Variants in ZNF426 observed in about 807,000 individuals in gnomAD.
The protein encoded by ZNF426 is CTC-543D15.7.
A neutral mutation model predicts 24.0 loss-of-function variants in ZNF426; 23 were observed. That is an observed-to-expected ratio of 0.96 (90% CI 0.69 to 1.36). The LOEUF (loss-of-function observed/expected upper bound fraction) is 1.36, where lower values mean the gene tolerates loss of function less well. Ranked by LOEUF, ZNF426 falls within the 40% of genes most tolerant of loss-of-function variation. ZNF426 has a pLI of 0.00. For missense variants in ZNF426, 646 were observed against 658.4 expected, an observed-to-expected ratio of 0.98 and a Z score of 0.21; for synonymous variants, 272 against 224.6, an observed-to-expected ratio of 1.21 and a Z score of -1.89.
intron 5 of ZNF426, among the ~76,000 whole-genome samples, chr19:9,533,539 T>TA (rs1032232069): frequency 2.0e-5 from 3 of 152,224 alleles, no homozygotes; most frequent in African/African-American, 7.2e-5. Context: ...CAGTGTTTTT[T>TA]AAAACATTAT....
At chr19:9,537,243 C>T (rs2073980354) in intron 2 of ZNF426, among the ~76,000 whole-genome samples, 1 of 152,010 alleles carries the variant, frequency 6.6e-6, no homozygotes, top group African/African-American at 2.4e-5. Flanking sequence ...AGTGAAAGTT[C>T]CGCAGTTCAT....
chr19:9,531,290 C>A (rs2073880359), intron 6 of ZNF426, among the ~76,000 whole-genome samples: 1 of 152,076 alleles, frequency 6.6e-6, no homozygotes, highest in African/African-American at 2.4e-5. Flanking sequence ...GGGGCTCAGG[C>A]TGGAGAATCT....
chr19:9,532,219 A>C (rs2144772243), intron 6 of ZNF426, among the ~76,000 whole-genome samples: 1 of 151,630 alleles, frequency 6.6e-6, no homozygotes, highest in Admixed American at 6.6e-5. Context: ...CATACTACTG[A>C]GAATGGTGAG....
Position 9,529,529 on chromosome 19 carries a change from G to A in ZNF426, c.516C>T (p.Asn172=), listed in dbSNP as rs1397169935. The change falls in exon 8 of 8, where the codon AAC becomes AAT. Residue 172 remains asparagine, a synonymous_variant. Transcript: ENST00000253115. The stretch of plus-strand genomic sequence containing the variant: ...TTCCATACTGATTACAGTCATGAGT[G>A]TTCCCTGTACTTTGAGTTCTCACGT... ...KTHVRTQSTG[N]THDCNQYGKD... is the part of the protein sequence containing the mutation. 1.2e-6 allele frequency: 2 copies of A among 1,612,538 alleles called. No homozygotes were observed. The highest frequency in any genetic ancestry group is 3.3e-5 in the Admixed American group (2 of 60,030).
chr19:9,535,623 G>A (rs888871), intron 3 of ZNF426, among the ~76,000 whole-genome samples: 26,305 of 151,962 alleles, frequency 0.17, 3,621 homozygotes, highest in African/African-American at 0.38. Context: ...CTAGGAGTTC[G>A]AGACTACCCT....
In ZNF426 at chr19:9,525,970, A is replaced by C. The variant is rs2073788014; in HGVS notation, c.*2410T>G. On this transcript the variant is annotated 3_prime_UTR_variant, in exon 8 of 8. Transcript: ENST00000253115. ...CTCCCAAAGTGCTGGTATTACAGGC[A>C]TAAGCCACCACACCTGGAGTTTTAG... The C allele has an allele frequency of 6.6e-6, 1 of 152,092 alleles. No homozygotes were observed. The highest frequency in any genetic ancestry group is 2.4e-5 in the African/African-American group (1 of 41,366). 9.4% of individuals were successfully genotyped at this position (152,092 alleles called of 1,614,324 possible).
intron 3 of ZNF426, 114 bp downstream of exon 3, chr19:9,536,094 C>G: frequency 7.2e-7 from 1 of 1,395,256 alleles, no homozygotes. Context: ...TTCTGGCACC[C>G]CTCAGCACCT....
At chr19:9,535,346 TC>T in intron 3 of ZNF426, 67 bp from the exon 4 acceptor site, 2 of 1,121,598 alleles carry the variant, frequency 1.8e-6, no homozygotes, top group African/African-American at 3.2e-5. Flanking sequence ...TACCTAGAGG[TC>T]ATTACCTCCT....
intron 3 of ZNF426, 63 bp from the exon 4 acceptor site, chr19:9,535,342 G>C: frequency 8.3e-7 from 1 of 1,204,346 alleles, no homozygotes; most frequent in Non-Finnish European, 1.2e-6. Context: ...CACCTACCTA[G>C]AGGTCATTAC....
At chr19:9,537,509 T>TA (rs1400848517) in intron 2 of ZNF426, among the ~76,000 whole-genome samples, 2 of 150,830 alleles carry the variant, frequency 1.3e-5, no homozygotes, top group African/African-American at 4.9e-5. Flanking sequence ...AGGCTGGTCT[T>TA]AAACTCCTGG....
chr19:9,529,306 T>C lies in ZNF426; in HGVS notation c.739A>G (p.Asn247Asp). ...SYLQAHMRTH[N>D]GEKLYEWRNY... The stretch of plus-strand genomic sequence containing the variant: ...CTCCATTCGTAGAGTTTTTCTCCAT[T>C]GTGAGTTCTCATATGTGCCTGAAGG... The change falls in exon 8 of 8, where the codon AAT becomes GAT. Residue 247 changes from asparagine (N) to aspartate (D), a missense_variant. By Grantham distance (23) the Asn-to-Asp change is conservative. Transcript: ENST00000253115. 2 of 1,614,114 alleles carry C rather than the reference T, an allele frequency of 1.2e-6. No homozygotes were observed. The highest frequency in any genetic ancestry group is 1.3e-5 in the African/African-American group (1 of 75,046).
intron 2 of ZNF426, among the ~76,000 whole-genome samples, chr19:9,536,941 T>C (rs755778757): frequency 5.9e-5 from 9 of 152,142 alleles, no homozygotes; most frequent in African/African-American, 1.2e-4. Flanking sequence ...AAGACCGGCC[T>C]AACCAACACG....
Position 9,526,281 on chromosome 19 carries a change from GAGTA to G in ZNF426, c.*2095_*2098del, listed in dbSNP as rs1357715447. ...AGGCAAAAGTTAGTTTAAAGAGAAA[GAGTA>G]AGAACCAGAACCAGATATAGCAGGA... On this transcript the variant is annotated 3_prime_UTR_variant, in exon 8 of 8. Coordinates refer to ENST00000253115, the MANE Select transcript of ZNF426 (RefSeq NM_024106.3). 6.6e-5 allele frequency: 10 copies of G among 151,702 alleles called. No individual in the cohort carries two copies. The highest frequency in any genetic ancestry group is 5.9e-4 in the Admixed American group (9 of 15,132). 9.4% of individuals were successfully genotyped at this position (151,702 alleles called of 1,614,324 possible). A position where few individuals can be genotyped will look rare whatever the true frequency, so the allele number is the denominator to read the frequency against.
chr19:9,537,596 T>C (rs2073987487), intron 2 of ZNF426, among the ~76,000 whole-genome samples: 1 of 151,872 alleles, frequency 6.6e-6, no homozygotes, highest in Non-Finnish European at 1.5e-5. Flanking sequence ...AGCCAGCTTT[T>C]TTTTTTTTTC....
At chr19:9,533,291 CAAA>C (rs5827064) in intron 5 of ZNF426, among the ~76,000 whole-genome samples, 14 of 137,152 alleles carry the variant, frequency 1.0e-4, no homozygotes, top group African/African-American at 2.1e-4. Flanking sequence ...TCTAAAAATA[CAAA>C]AAAAAAAAAA....
chr19:9,528,956 G>C lies in ZNF426; in HGVS notation c.1089C>G (p.Pro363=), dbSNP rs1165456169. 6.2e-7 allele frequency: 1 copy of C among 1,613,774 alleles called. No individual in the cohort carries two copies. Among genetic ancestry groups the C allele is most frequent in the Admixed American group, 1.7e-5 (1 of 59,982 alleles). Residue 363 remains proline, a synonymous_variant, in exon 8 of 8, where the codon CCC becomes CCG. Transcript: ENST00000253115. The part of the protein sequence containing the change: ...MHVRSHSGDK[P]YECKECGKSF... The stretch of plus-strand genomic sequence containing the variant: ...ATTTCCCACATTCCTTACATTCATA[G>C]GGCTTGTCTCCACTGTGAGATCGTA...
At chr19:9,538,009 C>T (rs958727936) in intron 2 of ZNF426, among the ~76,000 whole-genome samples, 5 of 152,104 alleles carry the variant, frequency 3.3e-5, no homozygotes, top group Non-Finnish European at 7.4e-5. Flanking sequence ...GAACTCCATT[C>T]GAAGATAATG....
rs989867857 is a variant in ZNF426, at chr19:9,523,233, A to C, written c.*5147T>G. On this transcript the variant is annotated 3_prime_UTR_variant, in exon 8 of 8. Transcript: ENST00000253115. ...ACCCCACACATTGAATGGCTTAAAC[A>C]ACAGAAATTTATTTGCTCATAATTT... The C allele has an allele frequency of 3.3e-5, 5 of 152,178 alleles. No homozygotes were observed. Among genetic ancestry groups the C allele is most frequent in the Non-Finnish European group, 7.3e-5 (5 of 68,040 alleles). 9.4% of individuals were successfully genotyped at this position (152,178 alleles called of 1,614,324 possible). A position where few individuals can be genotyped will look rare whatever the true frequency, so the allele number is the denominator to read the frequency against.
At chr19:9,534,069 G>T in intron 4 of ZNF426, 103 bp from the exon 5 acceptor site, 1 of 1,497,318 alleles carries the variant, frequency 6.7e-7, no homozygotes, top group Non-Finnish European at 9.0e-7. Context: ...GATTCCAAGG[G>T]CTGCAGTGAC....
Sources: allele counts gnomAD v4.1 joint callset (sites outside exome capture counted in the v4.1 genomes callset), GRCh38; gene constraint gnomAD v4.1.1; transcripts MANE v1.5; gene names NCBI Gene and HGNC (gene_info 2026-07-23, HGNC 2026-07-21).